The following TMTC4 variants were observed in gnomAD, a reference collection of about 807,000 sequenced individuals.
The protein encoded by TMTC4 is protein O-mannosyl-transferase TMTC4.
In TMTC4, 65 loss-of-function variants were observed where a neutral mutation model predicts 86.0. The ratio of observed to expected loss-of-function variants is 0.76; its 90% CI spans 0.62 to 0.93. The LOEUF (loss-of-function observed/expected upper bound fraction) is 0.93, where lower values mean the gene tolerates loss of function less well. Ranked by LOEUF, TMTC4 falls within the 40% of genes least tolerant of loss-of-function variation. The pLI is 0.00. For synonymous variants in TMTC4, 379 were observed against 382.5 expected, an observed-to-expected ratio of 0.99 and a Z score of 0.11; for missense variants, 866 against 948.1, an observed-to-expected ratio of 0.91 and a Z score of 1.14.
intron 6 of TMTC4, 135 bp from the exon 7 acceptor site, chr13:100,642,446 T>C: frequency 1.1e-6 from 1 of 912,466 alleles, no homozygotes; most frequent in Non-Finnish European, 1.7e-6. Flanking sequence ...CAGACAGCAC[T>C]TCTCTGTGGG....
At position 100,605,259 on chromosome 13, in the gene TMTC4, T is replaced by C. The variant is rs1876404274; in HGVS notation, c.2135-117A>G. ...ATGCAAACAGTTTTCAAAAGTCAAT[T>C]GTATGAAACAATATTGTTTGTACTG... On this transcript the variant is annotated intron_variant, in intron 18 of 18. Transcript: ENST00000342624. The surrounding 1 kb of genome is among the most constrained non-coding windows in gnomAD (Gnocchi z 4.3). 1 of 1,191,340 alleles carries C rather than the reference T, an allele frequency of 8.4e-7. No individual in the cohort carries two copies. Among genetic ancestry groups the C allele is most frequent in the Non-Finnish European group, 1.2e-6 (1 of 854,012 alleles). The allele number at this position is 1,191,340 out of a possible 1,614,324, so 73.8% of individuals were successfully genotyped here.
At chr13:100,637,415 G>C in intron 9 of TMTC4, 123 bp downstream of exon 9, 1 of 1,279,890 alleles carries the variant, frequency 7.8e-7, no homozygotes, top group South Asian at 1.5e-5. Context: ...CAAACATGGA[G>C]GTGGCGCGTG....
chr13:100,622,865 A>G (rs1879755796), intron 15 of TMTC4, among the ~76,000 whole-genome samples: 1 of 152,156 alleles, frequency 6.6e-6, no homozygotes, highest in Non-Finnish European at 1.5e-5. Context: ...TAACACAAGC[A>G]TTACTCGTCC....
intron 1 of TMTC4, among the ~76,000 whole-genome samples, chr13:100,673,885 C>G (rs1302144964): frequency 2.0e-5 from 3 of 152,172 alleles, no homozygotes; most frequent in South Asian, 2.1e-4. Flanking sequence ...CCTAGTCAGT[C>G]CCTACTATAA....
In TMTC4 at chr13:100,635,015, A is replaced by C; in HGVS notation, c.1374+9T>G. ...CTGTTCATCAGCTGGCACCACTCTC[A>C]GTTGATACCTTTTTCTTGGTATGTT... On this transcript the variant is annotated intron_variant, in intron 11 of 18. Transcript: ENST00000342624. 2 of 1,610,320 alleles carry C rather than the reference A, an allele frequency of 1.2e-6. No individual in the cohort carries two copies. The highest frequency in any genetic ancestry group is 1.7e-6 in the Non-Finnish European group (2 of 1,177,452).
intron 5 of TMTC4, among the ~76,000 whole-genome samples, chr13:100,657,554 C>T (rs1885262318): frequency 6.6e-6 from 1 of 152,138 alleles, no homozygotes; most frequent in Admixed American, 6.5e-5. Flanking sequence ...ACACAGAATT[C>T]CCCCCAGGGG....
chr13:100,606,590 AAG>A (rs1876636512), intron 17 of TMTC4, among the ~76,000 whole-genome samples, 163 bp from the exon 18 acceptor site: 1 of 152,200 alleles, frequency 6.6e-6, no homozygotes, highest in African/African-American at 2.4e-5. Context: ...CGCTCTGCCA[AAG>A]AGAGGCTGAC....
intron 4 of TMTC4, among the ~76,000 whole-genome samples, chr13:100,663,605 C>T (rs923293130): frequency 4.6e-5 from 7 of 152,204 alleles, no homozygotes; most frequent in African/African-American, 1.7e-4. Context: ...GGCTCCTCAT[C>T]AGTATGCCCA....
intron 3 of TMTC4, among the ~76,000 whole-genome samples, chr13:100,664,819 G>C (rs186602952): frequency 6.0e-4 from 92 of 152,296 alleles, no homozygotes; most frequent in Middle Eastern, 3.4e-3. Context: ...GCAACTTACA[G>C]TCACATGACT....
chr13:100,661,360 A>T (rs566349819), intron 5 of TMTC4, among the ~76,000 whole-genome samples: 1 of 152,358 alleles, frequency 6.6e-6, no homozygotes, highest in South Asian at 2.1e-4. Flanking sequence ...ACCTTTTTAT[A>T]AATCAACTTC....
intron 6 of TMTC4, 52 bp from the exon 7 acceptor site, chr13:100,642,363 T>G (rs752714209): frequency 6.3e-7 from 1 of 1,596,222 alleles, no homozygotes; most frequent in South Asian, 1.1e-5. Flanking sequence ...GCAGCTCAGT[T>G]TTTTAGCATC....
At chr13:100,663,242 G>C in intron 4 of TMTC4, 62 bp from the exon 5 acceptor site, 3 of 1,442,792 alleles carry the variant, frequency 2.1e-6, no homozygotes, top group Non-Finnish European at 1.9e-6. Context: ...AATGGCAAAG[G>C]TCTGGAGGAG....
intron 15 of TMTC4, among the ~76,000 whole-genome samples, chr13:100,621,499 C>T (rs1458941908): frequency 6.6e-6 from 1 of 152,168 alleles, no homozygotes; most frequent in South Asian, 2.1e-4. Context: ...CATCTCGGTT[C>T]ACTGCAAGCT....
At chr13:100,620,704 T>C (rs1346288670) in intron 15 of TMTC4, among the ~76,000 whole-genome samples, 1 of 152,114 alleles carries the variant, frequency 6.6e-6, no homozygotes, top group Admixed American at 6.6e-5. Context: ...ATTAGTAATA[T>C]GTCCCAGTAA....
chr13:100,635,449 T>C (rs1395764038), intron 10 of TMTC4, among the ~76,000 whole-genome samples: 4 of 152,178 alleles, frequency 2.6e-5, no homozygotes, highest in African/African-American at 7.2e-5. Flanking sequence ...ACAATTCGTA[T>C]GGAGAAAATT....
intron 6 of TMTC4, among the ~76,000 whole-genome samples, chr13:100,655,197 C>T (rs919655914): frequency 6.6e-6 from 1 of 151,828 alleles, no homozygotes; most frequent in Non-Finnish European, 1.5e-5. Context: ...AATTTTTGTA[C>T]TTTTAGTAGA....
chr13:100,621,415 A>C (rs890830178), intron 15 of TMTC4, among the ~76,000 whole-genome samples: 2 of 152,160 alleles, frequency 1.3e-5, no homozygotes, highest in African/African-American at 2.4e-5. Context: ...GGATGAAAGA[A>C]GAATTCTTTT....
chr13:100,626,952 C>T (rs1261306635), intron 12 of TMTC4, among the ~76,000 whole-genome samples: 1 of 152,094 alleles, frequency 6.6e-6, no homozygotes, highest in African/African-American at 2.4e-5. Context: ...TGGATCAGTG[C>T]CTTCATCAAA....
chr13:100,621,301 T>C (rs975530743), intron 15 of TMTC4, among the ~76,000 whole-genome samples: 5 of 152,260 alleles, frequency 3.3e-5, no homozygotes, highest in African/African-American at 1.2e-4. Flanking sequence ...GGGAGAAGAC[T>C]AAGCTGTGGA....
Sources: allele counts gnomAD v4.1 joint callset (sites outside exome capture counted in the v4.1 genomes callset), GRCh38; gene constraint gnomAD v4.1.1; non-coding constraint Gnocchi (gnomAD v3.1); transcripts MANE v1.5; gene names NCBI Gene and HGNC (gene_info 2026-07-23, HGNC 2026-07-21).